Variants in SRRM2 observed in about 807,000 individuals in gnomAD.
SRRM2 encodes the protein serine/arginine repetitive matrix protein 2.
SRRM2 carries 30 observed loss-of-function variants against 213.8 expected under a neutral mutation model. That is an observed-to-expected ratio of 0.14 (90% CI 0.10 to 0.19). SRRM2 has a LOEUF of 0.19. Among genes scored for constraint, SRRM2 ranks in the 10% least tolerant of loss-of-function variants. The pLI, the probability that SRRM2 is intolerant of heterozygous loss-of-function variation, is 1.00. For synonymous variants in SRRM2, 2,025 were observed against 1,377.7 expected (o/e 1.47, Z -10.40); for missense variants, 4,904 against 3,647.0 (o/e 1.34, Z -8.88).
chr16:2,763,263 C>T lies in SRRM2; in HGVS notation c.2735C>T (p.Ser912Leu), dbSNP rs756819488. ...STPPRQSPSR[S>L]SSPQPKVKAI... Reference sequence around the variant, plus strand: ...CCTCCCAGACAGAGCCCATCTAGGTCATCATCTCCACAACCCAAAGTGAAG... The same window carrying T: ...CCTCCCAGACAGAGCCCATCTAGGTTATCATCTCCACAACCCAAAGTGAAG... Residue 912 changes from serine to leucine, a missense_variant, in exon 11 of 15, where the codon TCA (serine) becomes TTA (leucine). Coordinates refer to ENST00000301740, the MANE Select transcript of SRRM2 (RefSeq NM_016333.4). The T allele has an allele frequency of 1.2e-6, 2 of 1,613,340 alleles. No homozygotes were observed. The highest frequency in any genetic ancestry group is 1.7e-6 in the Non-Finnish European group (2 of 1,179,988).
chr16:2,758,867 G>A, intron 5 of SRRM2, 118 bp from the exon 6 acceptor site: 1 of 1,068,492 alleles, frequency 9.4e-7, no homozygotes, highest in South Asian at 1.5e-5. Flanking sequence ...TAGGTCTGGG[G>A]CATTAGTGCT....
chr16:2,770,941 C>T lies in SRRM2; in HGVS notation c.*74C>T, dbSNP rs762175067. 1.4e-4 allele frequency: 220 copies of T among 1,593,838 alleles called. No individual in the cohort carries two copies. The highest frequency in any genetic ancestry group is 1.7e-4 in the Non-Finnish European group (193 of 1,165,660). On this transcript the variant is annotated 3_prime_UTR_variant, in exon 15 of 15. Transcript: ENST00000301740. ...AGTGTCCCTTCTTCCCCAGCAGAGC[C>T]GTGGGAGGGTCCTTGTCTGCTCTCC...
In SRRM2 at chr16:2,767,784, T is replaced by C. The variant is rs766015886; in HGVS notation, c.7256T>C (p.Met2419Thr). Residue 2419 changes from methionine (M) to threonine (T), a missense_variant, in exon 11 of 15, where the codon ATG (methionine) becomes ACG (threonine). Physicochemically the swap from Met to Thr is moderately conservative, Grantham distance 81. Coordinates refer to ENST00000301740, the MANE Select transcript of SRRM2 (RefSeq NM_016333.4). ...CCGTCTGCCCCAAGCCAATCTAGGA[T>C]GACCTCTGAACGGGCTCCCTCCCCT... ...TPPSAPSQSRMTSERAPSPSS... is the reference protein window; with the variant it reads ...TPPSAPSQSRTTSERAPSPSS... 1 of 1,613,958 alleles carries C rather than the reference T, an allele frequency of 6.2e-7. No homozygotes were observed. The highest frequency in any genetic ancestry group is 8.5e-7 in the Non-Finnish European group (1 of 1,179,982).
intron 1 of SRRM2, among the ~76,000 whole-genome samples, chr16:2,755,094 T>C (rs1017411793): frequency 6.6e-6 from 1 of 152,234 alleles, no homozygotes; most frequent in Non-Finnish European, 1.5e-5. Context: ...AGTAGTATTT[T>C]CTCATATATG....
At chr16:2,759,202 A>G (rs369676177) in intron 7 of SRRM2, 30 bp downstream of exon 7, 4 of 1,613,114 alleles carry the variant, frequency 2.5e-6, no homozygotes, top group African/African-American at 1.3e-5. Context: ...TAGGGGGCGC[A>G]GTGGCATGTG....
At chr16:2,757,637 C>T in intron 3 of SRRM2, 58 bp downstream of exon 3, 9 of 1,585,616 alleles carry the variant, frequency 5.7e-6, no homozygotes, top group Non-Finnish European at 6.0e-6. Flanking sequence ...CTGGCTGCTG[C>T]TGCTGTCCTT....
At chr16:2,756,725 G>A in intron 2 of SRRM2, 119 bp downstream of exon 2, 2 of 1,385,194 alleles carry the variant, frequency 1.4e-6, no homozygotes, top group East Asian at 2.3e-5. Context: ...TGTGGTAGGG[G>A]AGGAGGCAGA....
In SRRM2 at chr16:2,761,640, C is replaced by T. The variant is rs1596274234; in HGVS notation, c.1112C>T (p.Ala371Val). The T allele has an allele frequency of 6.3e-7, 1 of 1,583,146 alleles. No homozygotes were observed. ...PEPPAPTPLL[A>V]ERHGGSPQPL... ...CCACCTGCTCCCACTCCGCTCCTTG[C>T]TGAGCGACATGGCGGCTCCCCACAA... The change falls in exon 11 of 15, where the codon GCT (alanine) becomes GTT (valine). Residue 371 changes from alanine (A) to valine (V), a missense_variant. Transcript: ENST00000301740.
rs531076704 is a variant in SRRM2 at position 2,769,117 on chromosome 16, T to TTCC, written c.7875_7877dup (p.Ser2648dup). Reference sequence around the variant, plus strand: ...CCAGTTCCAGCTCCTCCTCTTCATCTTCCTCCTCCTCCTCCTCCTCCTCTT... The same window carrying TTCC: ...CCAGTTCCAGCTCCTCCTCTTCATCTTCCTCCTCCTCCTCCTCCTCCTCCTCTT... On this transcript the variant is annotated inframe_insertion, in exon 12 of 15. Transcript: ENST00000301740. 5.2e-4 allele frequency: 832 copies of TTCC among 1,611,552 alleles called. 1 individual carries two copies. The highest frequency in any genetic ancestry group is 1.1e-3 in the East Asian group (51 of 44,846).
rs777600039 is a variant in SRRM2, at chr16:2,759,430, A to AG, written c.740+30dup. Reference sequence around the variant, plus strand: ...GAGTGAATTTGTGGGGAATTTGCTTAGGAAGTAAGTGAACGCCACCTTAGT... The same window carrying AG: ...GAGTGAATTTGTGGGGAATTTGCTTAGGGAAGTAAGTGAACGCCACCTTAGT... On this transcript the variant is annotated intron_variant, in intron 8 of 14. Transcript: ENST00000301740. 5 of 1,594,426 alleles carry AG rather than the reference A, an allele frequency of 3.1e-6. No homozygotes were observed. In the African/African-American group the frequency reaches 6.8e-5, roughly 22 times the overall value.
chr16:2,763,923 C>G lies in SRRM2; in HGVS notation c.3395C>G (p.Ser1132Cys). Residue 1132 changes from serine to cysteine, a missense_variant, in exon 11 of 15, where the codon TCT (serine) becomes TGT (cysteine). Coordinates refer to ENST00000301740, the MANE Select transcript of SRRM2 (RefSeq NM_016333.4). ...AGTCCTATGTTGAAATCTGGAATGTCTCCTGAGCAGAGCAGGTTCCAGTCT... is the reference window on the plus strand; with the variant it reads ...AGTCCTATGTTGAAATCTGGAATGTGTCCTGAGCAGAGCAGGTTCCAGTCT... ...SASPMLKSGM[S>C]PEQSRFQSDS... 6.2e-7 allele frequency: 1 copy of G among 1,614,198 alleles called. No individual in the cohort carries two copies. Among genetic ancestry groups the G allele is most frequent in the Non-Finnish European group, 8.5e-7 (1 of 1,180,038 alleles).
Position 2,759,680 on chromosome 16 carries a change from G to A in SRRM2, c.833+19G>A. On this transcript the variant is annotated intron_variant, in intron 9 of 14. Transcript: ENST00000301740. Reference sequence around the variant, plus strand: ...GCAGTCGGTAAGGGGTAGTCCAGGAGGAAGGGAGGGAGAGGGAATGATGGG... The same window carrying A: ...GCAGTCGGTAAGGGGTAGTCCAGGAAGAAGGGAGGGAGAGGGAATGATGGG... 6.2e-7 allele frequency: 1 copy of A among 1,602,338 alleles called. No individual in the cohort carries two copies. The highest frequency in any genetic ancestry group is 8.6e-7 in the Non-Finnish European group (1 of 1,169,576).
rs369888285 is a variant in SRRM2, at chr16:2,766,092, G to A, written c.5564G>A (p.Arg1855His). 5.3e-5 allele frequency: 85 copies of A among 1,613,976 alleles called. No homozygotes were observed. The highest frequency in any genetic ancestry group is 7.0e-5 in the Non-Finnish European group (83 of 1,180,030). Residue 1855 changes from arginine to histidine, a missense_variant, in exon 11 of 15, where the codon CGC becomes CAC. Coordinates refer to ENST00000301740, the MANE Select transcript of SRRM2 (RefSeq NM_016333.4). The surrounding 1 kb of genome is among the most constrained non-coding windows in gnomAD (Gnocchi z 7.0). ...ACCAGTCGGAAGCGTTCTCGCTCACGCACATCACCAGCCCCGTGGAAACGC... is the reference window on the plus strand; with the variant it reads ...ACCAGTCGGAAGCGTTCTCGCTCACACACATCACCAGCCCCGTGGAAACGC... ...PPTSRKRSRS[R>H]TSPAPWKRSR...
At chr16:2,757,605 A>T (rs1221026387) in intron 3 of SRRM2, 26 bp downstream of exon 3, 17 of 1,600,290 alleles carry the variant, frequency 1.1e-5, no homozygotes, top group Admixed American at 5.1e-5. Flanking sequence ...TCCCTCGATG[A>T]CTCTGGACTC....
At chr16:2,753,888 A>G (rs954370700) in intron 1 of SRRM2, among the ~76,000 whole-genome samples, 4 of 151,666 alleles carry the variant, frequency 2.6e-5, no homozygotes, top group Non-Finnish European at 4.4e-5. Context: ...TTTTTCGACA[A>G]CCCTTGTCTC....
Position 2,769,120 on chromosome 16 carries a change from C to T in SRRM2, c.7857C>T (p.Ser2619=), listed in dbSNP as rs145020191. ...GTTCCAGCTCCTCCTCTTCATCTTC[C>T]TCCTCCTCCTCCTCCTCCTCTTCTT... ...SSSSSSSSSS[S]SSSSSSSSSS... The change falls in exon 12 of 15, where the codon TCC becomes TCT. Residue 2619 remains serine (S), a synonymous_variant. Coordinates refer to ENST00000301740, the MANE Select transcript of SRRM2 (RefSeq NM_016333.4). 6 of 1,566,082 alleles carry T rather than the reference C, an allele frequency of 3.8e-6. No individual in the cohort carries two copies. The highest frequency in any genetic ancestry group is 1.4e-5 in the African/African-American group (1 of 72,974).
rs1225064526 is a variant in SRRM2 at position 2,759,402 on chromosome 16, G to A, written c.740G>A (p.Arg247Gln). Residue 247 changes from arginine to glutamine, a missense_variant and splice_region_variant, in exon 8 of 15, where the codon CGG becomes CAG. Arg to Gln is a conservative substitution (Grantham distance 43). Transcript: ENST00000301740. Reference protein sequence around the residue: ...KRKSKDKKRKRSRSTTPAPKS... With the variant: ...KRKSKDKKRKQSRSTTPAPKS... ...AAATCTAAGGACAAAAAGCGAAAGC[G>A]GTGAGTGAATTTGTGGGGAATTTGC... The A allele has an allele frequency of 1.9e-6, 3 of 1,592,830 alleles. No homozygotes were observed. The highest frequency in any genetic ancestry group is 1.8e-5 in the Admixed American group (1 of 54,530).
intron 12 of SRRM2, chr16:2,769,574 T>C: frequency 1.6e-6 from 1 of 640,942 alleles, no homozygotes; most frequent in Non-Finnish European, 2.9e-6. Context: ...TCCCTGTTGC[T>C]ACTGCCAGGG....
At chr16:2,758,250 C>A (rs1315312131) in intron 4 of SRRM2, among the ~76,000 whole-genome samples, 1 of 152,172 alleles carries the variant, frequency 6.6e-6, no homozygotes, top group Non-Finnish European at 1.5e-5. Flanking sequence ...TGCCTGTAGT[C>A]CAGGCTGCTT....
Sources: allele counts gnomAD v4.1 joint callset (sites outside exome capture counted in the v4.1 genomes callset), GRCh38; gene constraint gnomAD v4.1.1; non-coding constraint Gnocchi (gnomAD v3.1); transcripts MANE v1.5; gene names NCBI Gene and HGNC (gene_info 2026-07-23, HGNC 2026-07-21).